The following TGFA variants were observed in gnomAD, a reference collection of about 807,000 sequenced individuals.
The protein encoded by TGFA is protransforming growth factor alpha.
TGFA carries 12 observed loss-of-function variants against 21.7 expected under a neutral mutation model. The observed-to-expected ratio is 0.55, with a 90% CI of 0.35 to 0.90. The LOEUF is 0.90. TGFA is among the 40% of genes least tolerant of loss of function. The pLI is 0.01. For missense variants in TGFA, 178 were observed against 210.8 expected (o/e 0.84, Z 0.96); for synonymous variants, 79 against 88.1 (o/e 0.90, Z 0.58).
intron 2 of TGFA, among the ~76,000 whole-genome samples, chr2:70,492,236 C>T (rs1671457867): frequency 6.6e-6 from 1 of 152,162 alleles, no homozygotes; most frequent in Non-Finnish European, 1.5e-5. Flanking sequence ...TGCGAGCTAC[C>T]CCATAACCTA....
At chr2:70,495,132 A>C (rs1671541422) in intron 2 of TGFA, among the ~76,000 whole-genome samples, 1 of 152,200 alleles carries the variant, frequency 6.6e-6, no homozygotes, top group African/African-American at 2.4e-5. Flanking sequence ...TTAGATCTAG[A>C]TTCTTTTTAA....
At chr2:70,473,775 T>C (rs1420507968) in intron 2 of TGFA, among the ~76,000 whole-genome samples, 1 of 152,112 alleles carries the variant, frequency 6.6e-6, no homozygotes, top group Admixed American at 6.5e-5. Flanking sequence ...ACGATGGATA[T>C]AAAACCATTT....
At chr2:70,496,429 GA>G (rs3836151) in intron 2 of TGFA, among the ~76,000 whole-genome samples, 85,061 of 150,936 alleles carry the variant, frequency 0.56, 24,132 homozygotes, top group African/African-American at 0.62. Flanking sequence ...GAGCCACAGG[GA>G]AAAAAAAACA....
chr2:70,550,140 A>T (rs1199745833), intron 1 of TGFA, among the ~76,000 whole-genome samples: 1 of 152,198 alleles, frequency 6.6e-6, no homozygotes, highest in East Asian at 1.9e-4. Context: ...ATGCTACTTC[A>T]TTTCCTATGA....
intron 2 of TGFA, among the ~76,000 whole-genome samples, chr2:70,500,675 C>G (rs997169844): frequency 4.6e-5 from 7 of 152,156 alleles, no homozygotes; most frequent in Non-Finnish European, 7.3e-5. Context: ...TGCAGTAAAA[C>G]AGACTGTCTG....
chr2:70,459,578 G>A (rs1262733304), intron 3 of TGFA, among the ~76,000 whole-genome samples: 3 of 152,194 alleles, frequency 2.0e-5, no homozygotes, highest in Non-Finnish European at 4.4e-5. Context: ...TCCTTGCTCA[G>A]TGTGGCAAGG....
chr2:70,550,698 C>T (rs111252906), intron 1 of TGFA, among the ~76,000 whole-genome samples: 39,825 of 151,978 alleles, frequency 0.26, 5,361 homozygotes, highest in Admixed American at 0.35. Flanking sequence ...GTGGCGGGCG[C>T]CTGTAGTCCC....
At chr2:70,552,438 A>G (rs1394596173) in intron 1 of TGFA, among the ~76,000 whole-genome samples, 2 of 152,240 alleles carry the variant, frequency 1.3e-5, no homozygotes, top group Non-Finnish European at 2.9e-5. Context: ...TTTTTCTAAA[A>G]TTTAAATCAG....
At chr2:70,453,057 G>T (rs1670107074) in intron 5 of TGFA, among the ~76,000 whole-genome samples, 161 bp downstream of exon 5, 1 of 149,842 alleles carries the variant, frequency 6.7e-6, no homozygotes, top group African/African-American at 2.4e-5. Flanking sequence ...CTAAGTAAAA[G>T]GCACCTATGA....
At chr2:70,456,635 G>T in intron 3 of TGFA, 147 bp from the exon 4 acceptor site, 2 of 952,896 alleles carry the variant, frequency 2.1e-6, no homozygotes, top group Non-Finnish European at 1.5e-6. Context: ...AGGGAAAGGT[G>T]TCAGCAAAAT....
chr2:70,457,107 C>T (rs565001707), intron 3 of TGFA, among the ~76,000 whole-genome samples: 2 of 152,150 alleles, frequency 1.3e-5, no homozygotes, highest in Admixed American at 6.5e-5. Flanking sequence ...CAAGCAAGGT[C>T]GTGTCTGAAT....
rs540684710 is a variant in TGFA, at chr2:70,489,297, G to A, written c.95-23561C>T. On this transcript the variant is annotated intron_variant, in intron 2 of 5. Transcript: ENST00000295400. Reference sequence around the variant, plus strand: ...AGGCACCCTGGCTTCGCTCAACCTGGAGTTTCACACACCCATTCCTTAACC... The same window carrying A: ...AGGCACCCTGGCTTCGCTCAACCTGAAGTTTCACACACCCATTCCTTAACC... Among the ~76,000 whole-genome samples, 149 of 152,312 alleles carry A rather than the reference G, an allele frequency of 9.8e-4. 1 individual carries two copies. The South Asian group carries it at 0.011, about 11-fold the overall frequency.
intron 2 of TGFA, among the ~76,000 whole-genome samples, chr2:70,477,097 A>G (rs1468342934): frequency 6.6e-6 from 1 of 152,224 alleles, no homozygotes. Flanking sequence ...AGCTTAACCA[A>G]TTTTTATTGT....
rs531022588 is a variant in TGFA, at chr2:70,532,499, A to G, written c.41-17587T>C. Among the ~76,000 whole-genome samples, 9 of 152,318 alleles carry G rather than the reference A, an allele frequency of 5.9e-5. No individual in the cohort carries two copies. The South Asian group carries it at 1.5e-3, about 25-fold the overall frequency. On this transcript the variant is annotated intron_variant, in intron 1 of 5. Transcript: ENST00000295400. ...GCTCAGGGAAGAGGAGCATGCACAC[A>G]AAGATAGGGATTCCCTTTCCAACAC...
At chr2:70,510,715 C>T (rs546956206) in intron 2 of TGFA, among the ~76,000 whole-genome samples, 3 of 152,312 alleles carry the variant, frequency 2.0e-5, no homozygotes, top group Non-Finnish European at 2.9e-5. Context: ...TCCTATGACG[C>T]TGGCATCATC....
At chr2:70,495,824 TATA>T (rs1367965183) in intron 2 of TGFA, among the ~76,000 whole-genome samples, 2 of 152,168 alleles carry the variant, frequency 1.3e-5, no homozygotes, top group Admixed American at 1.3e-4. Flanking sequence ...GTTTGAATAG[TATA>T]ATAATTCCCC....
At chr2:70,511,856 A>G (rs995746349) in intron 2 of TGFA, among the ~76,000 whole-genome samples, 6 of 151,670 alleles carry the variant, frequency 4.0e-5, no homozygotes, top group African/African-American at 1.2e-4. Context: ...CTCTAATACA[A>G]TGTTAACAGA....
At chr2:70,453,161 G>A in intron 5 of TGFA, 57 bp downstream of exon 5, 1 of 1,471,134 alleles carries the variant, frequency 6.8e-7, no homozygotes, top group Non-Finnish European at 9.5e-7. Context: ...CTGACTTGGA[G>A]AAGGTGGTCG....
chr2:70,476,093 A>AAAT lies in TGFA; in HGVS notation c.95-10358_95-10357insATT, dbSNP rs1553494289. 4.9e-4 allele frequency among the ~76,000 whole-genome samples: 74 copies of AAAT among 150,034 alleles called. 2 individuals carry two copies. The highest frequency in any genetic ancestry group is 1.6e-3 in the African/African-American group (66 of 40,406). On this transcript the variant is annotated intron_variant, in intron 2 of 5. Coordinates refer to ENST00000295400, the MANE Select transcript of TGFA (RefSeq NM_003236.4). ...AGTAATTTTAAGCAAAAAAAAAAAA[A>AAAT]AAAAAAAAAAAAAATTAAGAAAATT...
Sources: gnomAD v4.1 joint callset for allele counts (sites outside exome capture counted in the v4.1 genomes callset) on GRCh38, gnomAD v4.1.1 for gene constraint, MANE v1.5 for transcripts, NCBI Gene and HGNC (gene_info 2026-07-23, HGNC 2026-07-21) for gene names.